MSH4: variants seen among roughly 807,000 people sequenced by gnomAD.
The protein encoded by MSH4 is mutS protein homolog 4.
MSH4 carries 106 observed loss-of-function variants against 113.7 expected under a neutral mutation model. That is an observed-to-expected ratio of 0.93 (90% CI 0.80 to 1.10). MSH4 has a LOEUF of 1.10. MSH4 is among the 50% of genes least tolerant of loss of function. The probability of loss-of-function intolerance (pLI) is 0.00; values close to 1 mark genes in which losing one functional copy is unlikely to be tolerated. For synonymous variants in MSH4, 368 were observed against 380.2 expected (o/e 0.97, Z 0.37); for missense variants, 1,061 against 1,093.7 (o/e 0.97, Z 0.42).
chr1:75,854,586 T>G (rs1393545570), intron 8 of MSH4, among the ~76,000 whole-genome samples: 1 of 152,110 alleles, frequency 6.6e-6, no homozygotes, highest in Non-Finnish European at 1.5e-5. Context: ...CCGTCCGTCC[T>G]CTCCCTGCTC....
At chr1:75,798,260 T>A (rs1384840227) in intron 1 of MSH4, among the ~76,000 whole-genome samples, 1 of 152,232 alleles carries the variant, frequency 6.6e-6, no homozygotes, top group Middle Eastern at 3.2e-3. Context: ...CTGCCTGGCC[T>A]ATGTTTAATG....
At chr1:75,858,373 G>T (rs1182837608) in intron 8 of MSH4, among the ~76,000 whole-genome samples, 1 of 152,122 alleles carries the variant, frequency 6.6e-6, no homozygotes, top group Non-Finnish European at 1.5e-5. Flanking sequence ...TCCAGTTTTT[G>T]CCCATTCAGT....
At chr1:75,905,013 T>G (rs572118736) in intron 19 of MSH4, among the ~76,000 whole-genome samples, 1 of 152,176 alleles carries the variant, frequency 6.6e-6, no homozygotes, top group African/African-American at 2.4e-5. Flanking sequence ...TTTGTTTGTC[T>G]TTTGTATTTA....
chr1:75,842,065 G>C (rs1194803575), intron 7 of MSH4, among the ~76,000 whole-genome samples: 1 of 152,194 alleles, frequency 6.6e-6, no homozygotes, highest in African/African-American at 2.4e-5. Context: ...AGGGAGGCAT[G>C]AGACATCAAT....
intron 19 of MSH4, among the ~76,000 whole-genome samples, chr1:75,909,003 C>T (rs558443076): frequency 2.6e-5 from 4 of 152,168 alleles, no homozygotes; most frequent in Non-Finnish European, 4.4e-5. Flanking sequence ...GTGTCTCCTT[C>T]GACTGAAATG....
intron 9 of MSH4, among the ~76,000 whole-genome samples, chr1:75,876,157 C>T (rs1240530229): frequency 6.6e-6 from 1 of 151,936 alleles, no homozygotes; most frequent in Non-Finnish European, 1.5e-5. Context: ...ACTTCTGATC[C>T]CAAGCATTTT....
intron 8 of MSH4, 40 bp downstream of exon 8, chr1:75,848,316 T>C (rs1375993549): frequency 7.7e-7 from 1 of 1,295,042 alleles, no homozygotes; most frequent in Admixed American, 2.0e-5. Flanking sequence ...TTATTATACA[T>C]TATTTGATGG....
chr1:75,879,182 C>G, intron 12 of MSH4, 54 bp downstream of exon 12: 2 of 1,534,900 alleles, frequency 1.3e-6, no homozygotes, highest in Non-Finnish European at 1.8e-6. Flanking sequence ...AGAATTACAT[C>G]TACATATTTT....
At chr1:75,839,511 A>G (rs1044701280) in intron 7 of MSH4, among the ~76,000 whole-genome samples, 2 of 152,302 alleles carry the variant, frequency 1.3e-5, no homozygotes, top group Admixed American at 1.3e-4. Context: ...CATGTTTTCT[A>G]TGTCTTAATG....
intron 1 of MSH4, among the ~76,000 whole-genome samples, chr1:75,802,883 G>C (rs1206581555): frequency 2.0e-5 from 3 of 152,180 alleles, no homozygotes; most frequent in African/African-American, 7.2e-5. Context: ...TCTCTGTAGA[G>C]TCCTGTAGTG....
intron 17 of MSH4, 45 bp downstream of exon 17, chr1:75,890,869 G>A (rs1455909611): frequency 2.1e-6 from 3 of 1,399,408 alleles, no homozygotes; most frequent in Non-Finnish European, 3.0e-6. Flanking sequence ...CCTTCTTTAT[G>A]TATCCTTTTA....
chr1:75,860,643 T>G (rs1651435130), intron 8 of MSH4, among the ~76,000 whole-genome samples: 1 of 152,248 alleles, frequency 6.6e-6, no homozygotes, highest in Non-Finnish European at 1.5e-5. Flanking sequence ...GCTGTTAGTC[T>G]GATGGGCTTC....
intron 8 of MSH4, among the ~76,000 whole-genome samples, chr1:75,852,116 A>G (rs1651201369): frequency 6.6e-6 from 1 of 152,248 alleles, no homozygotes; most frequent in Non-Finnish European, 1.5e-5. Flanking sequence ...GACATTTTAT[A>G]TAAATGGAAC....
At chr1:75,856,442 C>T (rs1040566691) in intron 8 of MSH4, among the ~76,000 whole-genome samples, 3 of 152,138 alleles carry the variant, frequency 2.0e-5, no homozygotes, top group African/African-American at 7.2e-5. Context: ...TCCCCTAGCC[C>T]TCCACCCCCG....
Position 75,881,300 on chromosome 1 carries a change from A to G in MSH4, c.1836A>G (p.Lys612=), listed in dbSNP as rs756485662. 14 of 1,610,002 alleles carry G rather than the reference A, an allele frequency of 8.7e-6. No homozygotes were observed. Among genetic ancestry groups the G allele is most frequent in the Non-Finnish European group, 1.2e-5 (14 of 1,177,342 alleles). ...ATGAACATATTCATTGCTTATATAA[A>G]CTATCTGACACTGTGTCAATGCTGG... ...EIYEHIHCLY[K]LSDTVSMLDM... is the part of the protein sequence containing the mutation. The change falls in exon 14 of 20, where the codon AAA becomes AAG. Residue 612 remains lysine, a synonymous_variant. Transcript: ENST00000263187.
chr1:75,841,474 A>C (rs1650958742), intron 7 of MSH4, among the ~76,000 whole-genome samples: 10 of 152,146 alleles, frequency 6.6e-5, no homozygotes, highest in Admixed American at 6.6e-4. Context: ...CTGGGATTGC[A>C]GGCACAAGTC....
intron 19 of MSH4, among the ~76,000 whole-genome samples, chr1:75,909,921 A>G (rs1571005464): frequency 6.6e-6 from 1 of 152,180 alleles, no homozygotes; most frequent in East Asian, 1.9e-4. Context: ...TCAGAGGAAG[A>G]GACTGACTTT....
intron 7 of MSH4, 127 bp downstream of exon 7, chr1:75,822,708 A>G: frequency 4.1e-6 from 2 of 485,374 alleles, no homozygotes; most frequent in Non-Finnish European, 6.7e-6. Context: ...TATGGAAAAT[A>G]TTTTCCTGAA....
At chr1:75,817,124 C>G (rs576970477) in intron 6 of MSH4, among the ~76,000 whole-genome samples, 1 of 152,296 alleles carries the variant, frequency 6.6e-6, no homozygotes, top group African/African-American at 2.4e-5. Flanking sequence ...AATCATTGTA[C>G]TGTTTTTGCT....
Sources: gnomAD v4.1 joint callset for allele counts (sites outside exome capture counted in the v4.1 genomes callset) on GRCh38, gnomAD v4.1.1 for gene constraint, MANE v1.5 for transcripts, NCBI Gene and HGNC (gene_info 2026-07-23, HGNC 2026-07-21) for gene names.